Variants in ADCY10 observed in about 807,000 individuals in gnomAD.
ADCY10 encodes the protein adenylate cyclase type 10.
Under a neutral mutation model 183.3 loss-of-function variants are expected in ADCY10, and 156 were observed. The observed-to-expected ratio is 0.85, with a 90% confidence interval of 0.75 to 0.97. The LOEUF (loss-of-function observed/expected upper bound fraction) is 0.97, where lower values mean the gene tolerates loss of function less well. Ranked by LOEUF, ADCY10 falls within the 50% of genes least tolerant of loss-of-function variation. ADCY10 has a pLI of 0.00. For missense variants in ADCY10, 1,745 were observed against 1,934.3 expected (o/e 0.90, Z 1.84); for synonymous variants, 645 against 670.0 (o/e 0.96, Z 0.58).
At chr1:167,910,401 A>G (rs1670074354) in intron 1 of ADCY10, among the ~76,000 whole-genome samples, 1 of 152,196 alleles carries the variant, frequency 6.6e-6, no homozygotes, top group East Asian at 1.9e-4. Flanking sequence ...GAAAATTATG[A>G]CATTTTGGTT....
intron 10 of ADCY10, 147 bp from the exon 11 acceptor site, chr1:167,880,338 C>T (rs541486673): frequency 2.1e-6 from 2 of 962,860 alleles, no homozygotes; most frequent in South Asian, 1.3e-5. Context: ...GGCATTTCTA[C>T]ATGGCCCGGA....
At chr1:167,892,770 C>T (rs1277558263) in intron 8 of ADCY10, among the ~76,000 whole-genome samples, 1 of 152,118 alleles carries the variant, frequency 6.6e-6, no homozygotes, top group African/African-American at 2.4e-5. Context: ...CAAAGATTTC[C>T]TCCAGGACAC....
At chr1:167,827,176 T>C (rs1663354525) in intron 26 of ADCY10, among the ~76,000 whole-genome samples, 1 of 151,766 alleles carries the variant, frequency 6.6e-6, no homozygotes, top group Admixed American at 6.6e-5. Context: ...GTACTTTTTT[T>C]TTTTTTCCTG....
intron 23 of ADCY10, chr1:167,834,763 C>T (rs1159328758): frequency 6.4e-6 from 1 of 155,152 alleles, no homozygotes; most frequent in Non-Finnish European, 1.4e-5. Context: ...CCCAGTCCCA[C>T]TGGAGTTTGA....
chr1:167,894,168 C>T (rs565626227), intron 7 of ADCY10, among the ~76,000 whole-genome samples: 26 of 152,318 alleles, frequency 1.7e-4, no homozygotes, highest in South Asian at 8.3e-4. Flanking sequence ...AGCTCAAAAC[C>T]TTGTTCAAAC....
chr1:167,874,406 TAC>T (rs1292347707), intron 13 of ADCY10, among the ~76,000 whole-genome samples: 1 of 151,976 alleles, frequency 6.6e-6, no homozygotes, highest in African/African-American at 2.4e-5. Context: ...ATCAGGGAAA[TAC>T]AAATGGAAAC....
At chr1:167,877,109 C>G (rs992057777) in intron 12 of ADCY10, among the ~76,000 whole-genome samples, 2 of 151,812 alleles carry the variant, frequency 1.3e-5, no homozygotes, top group Non-Finnish European at 2.9e-5. Flanking sequence ...TTTGTGATTG[C>G]CCGTAAGGTC....
chr1:167,826,550 TA>T (rs1663306500), intron 26 of ADCY10, among the ~76,000 whole-genome samples: 1 of 152,176 alleles, frequency 6.6e-6, no homozygotes, highest in African/African-American at 2.4e-5. Context: ...CCTGACTTTT[TA>T]TTTTCCCCAC....
At chr1:167,850,636 G>A (rs866930340) in intron 18 of ADCY10, among the ~76,000 whole-genome samples, 3 of 150,632 alleles carry the variant, frequency 2.0e-5, no homozygotes, top group Middle Eastern at 3.4e-3. Context: ...GAAAGCCAAG[G>A]GAGGATAGCA....
At chr1:167,822,893 A>G (rs1663002190) in intron 29 of ADCY10, 115 bp downstream of exon 29, 1 of 880,688 alleles carries the variant, frequency 1.1e-6, no homozygotes, top group Non-Finnish European at 1.9e-6. Context: ...CCTGCCCTGT[A>G]AGTCCACCAG....
intron 7 of ADCY10, among the ~76,000 whole-genome samples, chr1:167,894,513 A>C (rs995287748): frequency 1.3e-5 from 2 of 152,118 alleles, no homozygotes; most frequent in Admixed American, 1.3e-4. Context: ...GCTCTAGGAT[A>C]GACTGATAAG....
chr1:167,899,298 G>T, intron 6 of ADCY10, 125 bp downstream of exon 6: 2 of 951,300 alleles, frequency 2.1e-6, no homozygotes, highest in Non-Finnish European at 3.3e-6. Context: ...GCCTAACCCA[G>T]ACTGACCCCA....
At chr1:167,816,337 G>A (rs760219223) in intron 31 of ADCY10, among the ~76,000 whole-genome samples, 3 of 152,048 alleles carry the variant, frequency 2.0e-5, no homozygotes, top group East Asian at 3.9e-4. Flanking sequence ...CTTGAGGTCA[G>A]GAGTTCAAGA....
At chr1:167,860,010 A>C in intron 15 of ADCY10, 117 bp from the exon 16 acceptor site, 1 of 839,694 alleles carries the variant, frequency 1.2e-6, no homozygotes. Flanking sequence ...CATGTGTTAG[A>C]TAAGTGGTCC....
chr1:167,898,214 G>T (rs1393711031), intron 6 of ADCY10, among the ~76,000 whole-genome samples: 1 of 151,606 alleles, frequency 6.6e-6, no homozygotes, highest in African/African-American at 2.4e-5. Context: ...GAAGGTAGGT[G>T]AGGGATATAT....
chr1:167,869,126 C>T (rs753887183), intron 14 of ADCY10, among the ~76,000 whole-genome samples: 2 of 152,160 alleles, frequency 1.3e-5, no homozygotes, highest in Non-Finnish European at 2.9e-5. Context: ...TATGCCCGTA[C>T]GAGTGTAGCA....
intron 14 of ADCY10, among the ~76,000 whole-genome samples, chr1:167,867,468 C>T (rs565846950): frequency 2.2e-4 from 33 of 152,300 alleles, no homozygotes; most frequent in African/African-American, 7.5e-4. Flanking sequence ...AAGATTGCTA[C>T]AGTCCTATTA....
At chr1:167,815,850 C>CA (rs968937932) in intron 31 of ADCY10, among the ~76,000 whole-genome samples, 2 of 151,890 alleles carry the variant, frequency 1.3e-5, no homozygotes, top group African/African-American at 4.8e-5. Context: ...TGCTAGAGAT[C>CA]AAAAACACTG....
chr1:167,851,401 G>T (rs1160709143), intron 18 of ADCY10, among the ~76,000 whole-genome samples: 1 of 152,008 alleles, frequency 6.6e-6, no homozygotes, highest in Non-Finnish European at 1.5e-5. Context: ...TGCCCAGGAA[G>T]GTCTCAAACT....
Sources: allele counts gnomAD v4.1 joint callset (sites outside exome capture counted in the v4.1 genomes callset), GRCh38; gene constraint gnomAD v4.1.1; transcripts MANE v1.5; gene names NCBI Gene and HGNC (gene_info 2026-07-23, HGNC 2026-07-21).